CHST11: variants seen among roughly 807,000 people sequenced by gnomAD.
The protein encoded by CHST11 is C4S-1.
In CHST11, 9 loss-of-function variants were observed where a neutral mutation model predicts 30.4. That is an observed-to-expected ratio of 0.30 (90% CI 0.18 to 0.52). CHST11 has a LOEUF of 0.52. Among genes scored for constraint, CHST11 ranks in the 20% least tolerant of loss-of-function variants. CHST11 has a pLI of 0.97. For synonymous variants in CHST11, 152 were observed against 187.8 expected (o/e 0.81, Z 1.56); for missense variants, 348 against 460.6 (o/e 0.76, Z 2.24).
intron 1 of CHST11, among the ~76,000 whole-genome samples, chr12:104,582,229 A>C (rs2038752926): frequency 6.6e-6 from 1 of 152,090 alleles, no homozygotes. Context: ...TTGGTGAGCA[A>C]ACTGAGATGC....
chr12:104,696,859 T>A (rs945914153), intron 2 of CHST11, among the ~76,000 whole-genome samples: 1 of 152,218 alleles, frequency 6.6e-6, no homozygotes, highest in Non-Finnish European at 1.5e-5. Flanking sequence ...TTTTCATAAT[T>A]TATGTAGGTG....
chr12:104,526,529 C>T (rs1406195995), intron 1 of CHST11, among the ~76,000 whole-genome samples: 6 of 152,104 alleles, frequency 3.9e-5, no homozygotes, highest in African/African-American at 9.7e-5. Flanking sequence ...GAGGTTTGCC[C>T]CTGTGAGGTG....
At chr12:104,501,153 G>C (rs2141856) in intron 1 of CHST11, among the ~76,000 whole-genome samples, 51,658 of 152,076 alleles carry the variant, frequency 0.34, 9,016 homozygotes, top group South Asian at 0.38. Context: ...TCTAGAATAA[G>C]AGATAAGACT....
Position 104,489,686 on chromosome 12 carries a change from A to G in CHST11, c.118+32157A>G, listed in dbSNP as rs1270533604. 2.7e-5 allele frequency among the ~76,000 whole-genome samples: 4 copies of G among 150,662 alleles called. No homozygotes were observed. The East Asian group carries it at 8.1e-4, about 31-fold the overall frequency. ...TAGAGAGTTGGCCAGGATGGTCTCA[A>G]TCTCTTGACTTTGTGATCTACCCAC... On this transcript the variant is annotated intron_variant, in intron 1 of 2. Coordinates refer to ENST00000303694, the MANE Select transcript of CHST11 (RefSeq NM_018413.6).
chr12:104,689,755 C>T (rs1337845484), intron 2 of CHST11, among the ~76,000 whole-genome samples: 1 of 152,130 alleles, frequency 6.6e-6, no homozygotes, highest in Non-Finnish European at 1.5e-5. Flanking sequence ...TAGAGCCTAA[C>T]ACAGGCACTG....
chr12:104,558,973 T>C (rs947773348), intron 1 of CHST11, among the ~76,000 whole-genome samples: 11 of 152,112 alleles, frequency 7.2e-5, no homozygotes, highest in African/African-American at 2.2e-4. Flanking sequence ...ATAGCACAGC[T>C]GCATTCTCCA....
chr12:104,598,076 G>A (rs528212490), intron 1 of CHST11, among the ~76,000 whole-genome samples: 15 of 152,306 alleles, frequency 9.8e-5, no homozygotes, highest in Non-Finnish European at 1.8e-4. Flanking sequence ...CGAAGCATTG[G>A]TGCCCTCTAA....
chr12:104,457,603 C>A, intron 1 of CHST11, 74 bp downstream of exon 1: 1 of 1,086,416 alleles, frequency 9.2e-7, no homozygotes. Context: ...CGCCTGATTT[C>A]TGCCTCTTCC....
intron 1 of CHST11, among the ~76,000 whole-genome samples, chr12:104,597,319 C>T (rs933629852): frequency 6.6e-6 from 1 of 151,918 alleles, no homozygotes; most frequent in Non-Finnish European, 1.5e-5. Flanking sequence ...ATCTTTAATC[C>T]CATTGATTTG....
At chr12:104,746,357 A>T (rs913839992) in intron 2 of CHST11, among the ~76,000 whole-genome samples, 2 of 152,154 alleles carry the variant, frequency 1.3e-5, no homozygotes, top group Non-Finnish European at 2.9e-5. Flanking sequence ...ACCCTTTCTC[A>T]TTGCTCAGCA....
intron 2 of CHST11, among the ~76,000 whole-genome samples, chr12:104,619,487 G>A (rs988753193): frequency 5.3e-5 from 8 of 152,122 alleles, no homozygotes; most frequent in East Asian, 1.9e-4. Flanking sequence ...CACTCTTCTC[G>A]TCAGGGGAGG....
chr12:104,611,946 C>T (rs1012577810), intron 2 of CHST11, among the ~76,000 whole-genome samples: 2 of 152,174 alleles, frequency 1.3e-5, no homozygotes, highest in African/African-American at 2.4e-5. Context: ...AAGCAAGTCA[C>T]GGGACTAGGA....
At chr12:104,515,625 T>A (rs1374916257) in intron 1 of CHST11, among the ~76,000 whole-genome samples, 1 of 152,144 alleles carries the variant, frequency 6.6e-6, no homozygotes, top group Non-Finnish European at 1.5e-5. Flanking sequence ...ATGCCTGCCC[T>A]CCTGGAGCTT....
At chr12:104,535,639 A>G (rs1283449423) in intron 1 of CHST11, among the ~76,000 whole-genome samples, 1 of 152,212 alleles carries the variant, frequency 6.6e-6, no homozygotes, top group Non-Finnish European at 1.5e-5. Context: ...GTCTGCTAAA[A>G]TTGAATCCAT....
intron 2 of CHST11, 125 bp downstream of exon 2, chr12:104,602,116 C>A: frequency 1.5e-6 from 1 of 679,268 alleles, no homozygotes; most frequent in Non-Finnish European, 2.6e-6. Flanking sequence ...ATTTTACCTT[C>A]AGTGGTTGCT....
intron 1 of CHST11, among the ~76,000 whole-genome samples, chr12:104,514,631 G>A (rs1176160212): frequency 1.3e-5 from 2 of 152,326 alleles, no homozygotes; most frequent in East Asian, 1.9e-4. Context: ...GCTTCAGGAA[G>A]CTTCCACTCA....
At chr12:104,637,651 C>T (rs541079336) in intron 2 of CHST11, among the ~76,000 whole-genome samples, 1 of 152,214 alleles carries the variant, frequency 6.6e-6, no homozygotes, top group East Asian at 1.9e-4. Context: ...TAGCCCCTGC[C>T]TGCCTTCCAC....
chr12:104,542,563 A>G (rs2038295567), intron 1 of CHST11, among the ~76,000 whole-genome samples: 1 of 152,198 alleles, frequency 6.6e-6, no homozygotes, highest in South Asian at 2.1e-4. Flanking sequence ...AGCACAGGGT[A>G]TTTTGGGAGA....
At chr12:104,701,824 G>A (rs1408261205) in intron 2 of CHST11, among the ~76,000 whole-genome samples, 1 of 152,238 alleles carries the variant, frequency 6.6e-6, no homozygotes, top group Non-Finnish European at 1.5e-5. Context: ...CAGGGAAGGT[G>A]CAGCCTGATA....
Sources: gnomAD v4.1 joint callset for allele counts (sites outside exome capture counted in the v4.1 genomes callset) on GRCh38, gnomAD v4.1.1 for gene constraint, MANE v1.5 for transcripts, NCBI Gene and HGNC (gene_info 2026-07-23, HGNC 2026-07-21) for gene names.